OR2T12: variants seen among roughly 807,000 people sequenced by gnomAD.
The protein encoded by OR2T12 is olfactory receptor 2T12.
For missense variants in OR2T12, 335 were observed against 404.3 expected (o/e 0.83, Z 1.47); for synonymous variants, 127 against 160.5 (o/e 0.79, Z 1.58).
At chr1:248,299,672 G>A (rs1044419173) in intron 2 of OR2T12, among the ~76,000 whole-genome samples, 5 of 152,002 alleles carry the variant, frequency 3.3e-5, no homozygotes, top group Admixed American at 6.5e-5. Flanking sequence ...ACTCAGCTCT[G>A]CACCAAGCGG....
chr1:248,300,763 A>G (rs950021530), intron 2 of OR2T12, among the ~76,000 whole-genome samples: 1 of 152,062 alleles, frequency 6.6e-6, no homozygotes, highest in African/African-American at 2.4e-5. Context: ...ATTTGTCTTT[A>G]AGTGAGTCTT....
rs11805887 is a variant in OR2T12 at position 248,300,541 on chromosome 1, A to G, written c.-9+832T>C. On this transcript the variant is annotated intron_variant, in intron 2 of 2. Coordinates refer to ENST00000641276, the MANE Select transcript of OR2T12 (RefSeq NM_001004692.2). ...AACCTCAAGAAGAGGTGGGCTTTTA[A>G]GGAAAATTGGGAAAATACATTGTAT... Among the ~76,000 whole-genome samples, 935 of 152,244 alleles carry G rather than the reference A, an allele frequency of 6.1e-3. 7 individuals are homozygous for G. The highest frequency in any genetic ancestry group is 0.021 in the African/African-American group (893 of 41,566).
intron 2 of OR2T12, among the ~76,000 whole-genome samples, chr1:248,297,193 G>A (rs1009277736): frequency 5.9e-5 from 9 of 151,888 alleles, no homozygotes; most frequent in African/African-American, 2.2e-4. Flanking sequence ...TGAGGGCTCT[G>A]TTCTGTTCCA....
At chr1:248,296,768 G>A (rs1438715342) in intron 2 of OR2T12, among the ~76,000 whole-genome samples, 1 of 152,128 alleles carries the variant, frequency 6.6e-6, no homozygotes, top group Non-Finnish European at 1.5e-5. Flanking sequence ...TTTGTCAGAT[G>A]AGCAGGTTGC....
At chr1:248,297,285 C>A (rs982859590) in intron 2 of OR2T12, among the ~76,000 whole-genome samples, 2 of 152,000 alleles carry the variant, frequency 1.3e-5, no homozygotes, top group African/African-American at 4.8e-5. Context: ...AGTCAGGTAG[C>A]GTGATGCCTC....
intron 2 of OR2T12, among the ~76,000 whole-genome samples, chr1:248,296,715 C>G (rs1270863306): frequency 2.0e-5 from 3 of 151,824 alleles, no homozygotes; most frequent in African/African-American, 7.3e-5. Context: ...TGTTTTTTCT[C>G]GTAAATTTGT....
chr1:248,298,115 G>A (rs1381014559), intron 2 of OR2T12, among the ~76,000 whole-genome samples: 1 of 152,044 alleles, frequency 6.6e-6, no homozygotes, highest in Admixed American at 6.5e-5. Flanking sequence ...TAATCATGTG[G>A]TTTTTGTCTT....
At chr1:248,299,541 C>G (rs1659783626) in intron 2 of OR2T12, among the ~76,000 whole-genome samples, 1 of 152,062 alleles carries the variant, frequency 6.6e-6, no homozygotes, top group Non-Finnish European at 1.5e-5. Flanking sequence ...TAAAGCAAAT[C>G]CTGAGTGACC....
At chr1:248,301,216 G>A (rs1196880263) in intron 2 of OR2T12, among the ~76,000 whole-genome samples, 157 bp downstream of exon 2, 2 of 152,028 alleles carry the variant, frequency 1.3e-5, no homozygotes, top group Non-Finnish European at 1.5e-5. Flanking sequence ...TGATAAAATT[G>A]AAAATACTGA....
intron 2 of OR2T12, among the ~76,000 whole-genome samples, chr1:248,298,721 G>A (rs1167411356): frequency 8.0e-5 from 12 of 150,746 alleles, no homozygotes; most frequent in African/African-American, 2.0e-4. Context: ...TTTTTATTGC[G>A]TCTATTTGAT....
Position 248,295,226 on chromosome 1 carries a change from T to C in OR2T12, c.353A>G (p.Tyr118Cys), listed in dbSNP as rs372790632. ...GTGGCAGACAGCCGCATAGCGGTCA[T>C]AGGCCATGGCTGCTAAGAGGAAGCA... is the stretch of plus-strand genomic sequence containing the variant. ...GECFLLAAMA[Y>C]DRYAAVCHPL... Residue 118 changes from tyrosine to cysteine, a missense_variant, in exon 3 of 3, where the codon TAT becomes TGT. Transcript: ENST00000641276. The C allele has an allele frequency of 1.8e-4, 282 of 1,609,344 alleles. No homozygotes were observed. Among genetic ancestry groups the C allele is most frequent in the Non-Finnish European group, 2.3e-4 (269 of 1,178,848 alleles).
At position 248,292,345 on chromosome 1, in the gene OR2T12, T is replaced by C. The variant is rs539113378; in HGVS notation, c.*2271A>G. ...AAAATTTTGTTTCTACCATTCATGC[T>C]CTTGTATACTCTGTCTCTATCAGGT... On this transcript the variant is annotated 3_prime_UTR_variant, in exon 3 of 3. Coordinates refer to ENST00000641276, the MANE Select transcript of OR2T12 (RefSeq NM_001004692.2). 3.3e-5 allele frequency: 5 copies of C among 152,234 alleles called. No homozygotes were observed. The South Asian group carries it at 1.0e-3, about 32-fold the overall frequency. The allele number at this position is 152,234 out of a possible 1,614,324, so 9.4% of individuals were successfully genotyped here. A position where few individuals can be genotyped will look rare whatever the true frequency, so the allele number is the denominator to read the frequency against.
rs1659682933 is a variant in OR2T12 at position 248,294,549 on chromosome 1, A to C, written c.*67T>G. On this transcript the variant is annotated 3_prime_UTR_variant, in exon 3 of 3. Coordinates refer to ENST00000641276, the MANE Select transcript of OR2T12 (RefSeq NM_001004692.2). ...TTAATTTTCTCTTCATGAATTACTAAAGGGAGAGAATTACATAGTGTTAAA... is the reference window on the plus strand; with the variant it reads ...TTAATTTTCTCTTCATGAATTACTACAGGGAGAGAATTACATAGTGTTAAA... 4.2e-5 allele frequency: 64 copies of C among 1,518,892 alleles called. 2 individuals are homozygous for C. The South Asian group carries it at 8.4e-4, about 20-fold the overall frequency. The allele number at this position is 1,518,892 out of a possible 1,614,324, so 94.1% of individuals were successfully genotyped here. A position where few individuals can be genotyped will look rare whatever the true frequency, so the allele number is the denominator to read the frequency against.
rs1659634223 is a variant in OR2T12, at chr1:248,291,566, C to G, written c.*3050G>C. 6.6e-6 allele frequency: 1 copy of G among 152,162 alleles called. No individual in the cohort carries two copies. The highest frequency in any genetic ancestry group is 2.1e-4 in the South Asian group (1 of 4,824). 9.4% of individuals were successfully genotyped at this position (152,162 alleles called of 1,614,324 possible). On this transcript the variant is annotated 3_prime_UTR_variant, in exon 3 of 3. Transcript: ENST00000641276. ...TCCCCATCAAGCTACCATAGACTTT[C>G]TTCACAGAATTAGAAAAAAATACTT...
At chr1:248,296,304 G>A (rs1031738474) in intron 2 of OR2T12, among the ~76,000 whole-genome samples, 15 of 152,058 alleles carry the variant, frequency 9.9e-5, no homozygotes, top group East Asian at 3.9e-4. Context: ...GAATAGTGCC[G>A]CAATAAACAT....
chr1:248,291,818 A>G lies in OR2T12; in HGVS notation c.*2798T>C, dbSNP rs937511243. 8 of 152,180 alleles carry G rather than the reference A, an allele frequency of 5.3e-5. No individual in the cohort carries two copies. The highest frequency in any genetic ancestry group is 1.2e-4 in the Non-Finnish European group (8 of 68,038). The allele number at this position is 152,180 out of a possible 1,614,324, so 9.4% of individuals were successfully genotyped here. The stretch of plus-strand genomic sequence containing the variant: ...TCTCTTCTTTGACAAACCTGACAAA[A>G]ACAAGCAATGGGGAAAGGATTCCCT... On this transcript the variant is annotated 3_prime_UTR_variant, in exon 3 of 3. Transcript: ENST00000641276.
intron 2 of OR2T12, among the ~76,000 whole-genome samples, chr1:248,296,942 C>G (rs544462621): frequency 7.9e-5 from 12 of 152,210 alleles, no homozygotes; most frequent in African/African-American, 2.4e-4. Context: ...CCTATGTCCT[C>G]AATGGTAACG....
chr1:248,294,522 A>G lies in OR2T12; in HGVS notation c.*94T>C. ...AATATCTTATTATATCAATACACAA[A>G]CTTAATTTTCTCTTCATGAATTACT... is the stretch of plus-strand genomic sequence containing the variant. On this transcript the variant is annotated 3_prime_UTR_variant, in exon 3 of 3. Coordinates refer to ENST00000641276, the MANE Select transcript of OR2T12 (RefSeq NM_001004692.2). 1 of 1,460,782 alleles carries G rather than the reference A, an allele frequency of 6.8e-7. No individual in the cohort carries two copies. The highest frequency in any genetic ancestry group is 1.4e-5 in the African/African-American group (1 of 70,540). 90.5% of individuals were successfully genotyped at this position (1,460,782 alleles called of 1,614,324 possible).
At position 248,291,004 on chromosome 1, in the gene OR2T12, T is replaced by TG. The variant is rs1659624528; in HGVS notation, c.*3611dup. 3 of 99,612 alleles carry TG rather than the reference T, an allele frequency of 3.0e-5. No individual in the cohort carries two copies. The South Asian group carries it at 9.3e-4, about 31-fold the overall frequency. The allele number at this position is 99,612 out of a possible 1,614,324, so 6.2% of individuals were successfully genotyped here. On this transcript the variant is annotated 3_prime_UTR_variant, in exon 3 of 3. Transcript: ENST00000641276. Reference sequence around the variant, plus strand: ...TACTTTGCCCACTTTTTGATGGGGTTGTTTTTTTTTTCTTATAAATATGTT... The same window carrying TG: ...TACTTTGCCCACTTTTTGATGGGGTTGGTTTTTTTTTTCTTATAAATATGTT...
Sources: allele counts gnomAD v4.1 joint callset (sites outside exome capture counted in the v4.1 genomes callset), GRCh38; gene constraint gnomAD v4.1.1; transcripts MANE v1.5; gene names NCBI Gene and HGNC (gene_info 2026-07-23, HGNC 2026-07-21).